DMD: variants seen among roughly 807,000 people sequenced by gnomAD.
The protein encoded by DMD is mutant dystrophin.
Under a neutral mutation model 330.1 loss-of-function variants are expected in DMD, and 63 were observed. The ratio of observed to expected loss-of-function variants is 0.19; its 90% CI spans 0.16 to 0.24. The LOEUF is 0.24. Ranked by LOEUF, DMD falls within the 10% of genes least tolerant of loss-of-function variation. The pLI is 1.00. For synonymous variants in DMD, 1,223 were observed against 959.8 expected, an observed-to-expected ratio of 1.27 and a Z score of -5.07; for missense variants, 3,344 against 2,684.1, an observed-to-expected ratio of 1.25 and a Z score of -5.43.
At chrX:32,088,746 G>A (rs1344102729) in intron 44 of DMD, among the ~76,000 whole-genome samples, 3 of 109,101 alleles carry the variant, frequency 2.7e-5, no homozygotes, top group African/African-American at 1.0e-4. Flanking sequence ...TCTACTATGT[G>A]CCAAATACTG....
intron 43 of DMD, among the ~76,000 whole-genome samples, chrX:32,234,651 T>C (rs1287417332): frequency 8.9e-6 from 1 of 112,351 alleles, no homozygotes; most frequent in Non-Finnish European, 1.9e-5. Context: ...TGATCACATA[T>C]CTTTTCCTTC....
At chrX:32,025,037 G>C (rs772056952) in intron 44 of DMD, among the ~76,000 whole-genome samples, 4 of 111,399 alleles carry the variant, frequency 3.6e-5, no homozygotes, top group Admixed American at 2.9e-4. Context: ...GTAGCCTCAA[G>C]TCCTCATGTG....
intron 62 of DMD, among the ~76,000 whole-genome samples, chrX:31,299,966 C>CA (rs755457577): frequency 9.0e-6 from 1 of 111,019 alleles, no homozygotes; most frequent in East Asian, 2.8e-4. Flanking sequence ...CAAGAGGAAA[C>CA]AAAAATAATT....
rs1187263061 is a variant in DMD, at chrX:31,146,398, T to C, written c.10814A>G (p.Lys3605Arg). The change falls in exon 76 of 79, where the codon AAA becomes AGA. Residue 3605 changes from lysine to arginine, a missense_variant. Lys to Arg is a conservative substitution (Grantham distance 26). Coordinates refer to ENST00000357033, the MANE Select transcript of DMD (RefSeq NM_004006.3). ...AGAGGACACCGTTGTGCCATTCACT[T>C]TGGCCTCTGCCTGGGGCTAAGTCAT... is the stretch of plus-strand genomic sequence containing the variant. ...QLLEQPQAEA[K>R]VNGTTVSSPS... 1.7e-6 allele frequency: 2 copies of C among 1,209,071 alleles called. No individual in the cohort carries two copies. Among genetic ancestry groups the C allele is most frequent in the African/African-American group, 1.7e-5 (1 of 57,300 alleles).
At chrX:32,744,919 A>C (rs2069784208) in intron 7 of DMD, among the ~76,000 whole-genome samples, 1 of 111,892 alleles carries the variant, frequency 8.9e-6, no homozygotes, top group East Asian at 2.8e-4. Context: ...GAGAGTTCTT[A>C]AAGGACTGTA....
At chrX:31,259,029 C>G (rs936354978) in intron 63 of DMD, among the ~76,000 whole-genome samples, 3 of 110,329 alleles carry the variant, frequency 2.7e-5, no homozygotes, top group African/African-American at 9.9e-5. Flanking sequence ...TTTGAAGATC[C>G]TAGACTATTA....
chrX:32,278,431 G>T (rs760406054), intron 43 of DMD, among the ~76,000 whole-genome samples: 11 of 111,285 alleles, frequency 9.9e-5, no homozygotes, highest in South Asian at 7.5e-4. Context: ...AATTGATGCA[G>T]AGTGAACAGG....
At chrX:32,848,856 T>C (rs1173458282) in intron 3 of DMD, among the ~76,000 whole-genome samples, 1 of 111,262 alleles carries the variant, frequency 9.0e-6, no homozygotes, top group Non-Finnish European at 1.9e-5. Context: ...CCCAGAGATA[T>C]CTGACAATAT....
At chrX:31,664,795 C>CA (rs1420514825) in intron 53 of DMD, among the ~76,000 whole-genome samples, 6 of 108,417 alleles carry the variant, frequency 5.5e-5, no homozygotes, top group Non-Finnish European at 1.1e-4. Flanking sequence ...CCTCCACTCT[C>CA]AAACCACCCT....
intron 1 of DMD, among the ~76,000 whole-genome samples, chrX:33,056,464 G>A (rs1433186778): frequency 9.1e-6 from 1 of 109,963 alleles, no homozygotes; most frequent in Admixed American, 9.7e-5. Context: ...GGGTTCAAGC[G>A]ATTCTCCTGC....
chrX:33,264,197 C>A (rs1237201437), intron 1 of DMD, among the ~76,000 whole-genome samples: 1 of 111,119 alleles, frequency 9.0e-6, no homozygotes, highest in Non-Finnish European at 1.9e-5. Flanking sequence ...CTGTCGAGTC[C>A]ATGGATAAAG....
At chrX:32,414,322 G>T (rs1041415332) in intron 29 of DMD, among the ~76,000 whole-genome samples, 2 of 111,580 alleles carry the variant, frequency 1.8e-5, no homozygotes, top group African/African-American at 6.5e-5. Flanking sequence ...TTTGAATTTT[G>T]TATTTTTTTG....
At chrX:31,737,620 G>A (rs1282934840) in intron 51 of DMD, among the ~76,000 whole-genome samples, 3 of 112,215 alleles carry the variant, frequency 2.7e-5, no homozygotes, top group African/African-American at 6.5e-5. Context: ...CAATAGACAA[G>A]CAAGCCCAAT....
At chrX:32,748,608 A>G (rs1187019743) in intron 7 of DMD, among the ~76,000 whole-genome samples, 1 of 111,766 alleles carries the variant, frequency 8.9e-6, no homozygotes, top group Non-Finnish European at 1.9e-5. Flanking sequence ...TTAAAGGGAA[A>G]TTAAGAATGA....
At chrX:32,215,408 C>T (rs2097108704) in intron 44 of DMD, among the ~76,000 whole-genome samples, 1 of 111,065 alleles carries the variant, frequency 9.0e-6, no homozygotes, top group Admixed American at 9.6e-5. Flanking sequence ...AAACAAATTG[C>T]TTCATCGTAA....
rs73219728 is a variant in DMD at position 32,847,387 on chromosome X, G to A, written c.186+2341C>T. 3.9e-3 allele frequency among the ~76,000 whole-genome samples: 433 copies of A among 112,019 alleles called. 2 individuals are homozygous for A. Among genetic ancestry groups the A allele is most frequent in the Non-Finnish European group, 5.7e-3 (302 of 53,226 alleles). On this transcript the variant is annotated intron_variant, in intron 3 of 78. Transcript: ENST00000357033. Reference sequence around the variant, plus strand: ...TTCTTATTTTATGATTGTAAGGCAAGTACCTTCCTTTTAACCCTGGGGATG... The same window carrying A: ...TTCTTATTTTATGATTGTAAGGCAAATACCTTCCTTTTAACCCTGGGGATG...
At position 31,383,133 on chromosome X, in the gene DMD, C is replaced by A. The variant is rs747319890; in HGVS notation, c.9085-34499G>T. Among the ~76,000 whole-genome samples, 8 of 111,583 alleles carry A rather than the reference C, an allele frequency of 7.2e-5. No individual in the cohort carries two copies. In the South Asian group the frequency reaches 2.7e-3, roughly 37 times the overall value. On this transcript the variant is annotated intron_variant, in intron 60 of 78. Coordinates refer to ENST00000357033, the MANE Select transcript of DMD (RefSeq NM_004006.3). ...CCTTGTGAAATTCCTTCTCCTGGCT[C>A]TTCCTGGCTCAAAAGCTCCCCCACT...
chrX:32,250,089 A>C (rs759133484), intron 43 of DMD, among the ~76,000 whole-genome samples: 1 of 111,764 alleles, frequency 8.9e-6, no homozygotes, highest in South Asian at 3.7e-4. Flanking sequence ...GTATGTGTTT[A>C]TTTTCTGATA....
At chrX:32,225,187 C>A (rs2859887) in intron 43 of DMD, among the ~76,000 whole-genome samples, 1 of 112,102 alleles carries the variant, frequency 8.9e-6, no homozygotes, top group Non-Finnish European at 1.9e-5. Context: ...AGATAAAGAT[C>A]TTGAGAACAA....
Sources: gnomAD v4.1 joint callset for allele counts (sites outside exome capture counted in the v4.1 genomes callset) on GRCh38, gnomAD v4.1.1 for gene constraint, MANE v1.5 for transcripts, NCBI Gene and HGNC (gene_info 2026-07-23, HGNC 2026-07-21) for gene names.